RIPOR3: variants seen among roughly 807,000 people sequenced by gnomAD.
RIPOR3 encodes RIPOR family member 3, also known as family with sequence similarity 65 member C.
A neutral mutation model predicts 114.3 loss-of-function variants in RIPOR3; 95 were observed. The ratio of observed to expected loss-of-function variants is 0.83; its 90% CI spans 0.70 to 0.99. The LOEUF (loss-of-function observed/expected upper bound fraction) is 0.99. RIPOR3 is among the 50% of genes least tolerant of loss of function. The pLI, the probability that RIPOR3 is intolerant of heterozygous loss-of-function variation, is 0.00. For missense variants in RIPOR3, 1,252 were observed against 1,266.9 expected (o/e 0.99, Z 0.18); for synonymous variants, 575 against 543.8 (o/e 1.06, Z -0.80).
chr20:50,686,755 A>AG (rs1342573625), intron 1 of RIPOR3, among the ~76,000 whole-genome samples: 1 of 146,460 alleles, frequency 6.8e-6, no homozygotes, highest in Non-Finnish European at 1.5e-5. Context: ...TGTTAAAAAA[A>AG]AAAAAAAGAA....
chr20:50,671,298 C>T (rs1423886918), intron 1 of RIPOR3, among the ~76,000 whole-genome samples: 1 of 152,128 alleles, frequency 6.6e-6, no homozygotes, highest in Non-Finnish European at 1.5e-5. Context: ...CATGGGTAGG[C>T]ACTTCTAATG....
At chr20:50,622,905 A>G (rs1196045560) in intron 2 of RIPOR3, among the ~76,000 whole-genome samples, 1 of 152,218 alleles carries the variant, frequency 6.6e-6, no homozygotes, top group Non-Finnish European at 1.5e-5. Context: ...GACCTTTTAC[A>G]TGCAAGCTGT....
chr20:50,642,562 T>A (rs1463026290), intron 1 of RIPOR3, among the ~76,000 whole-genome samples: 1 of 151,814 alleles, frequency 6.6e-6, no homozygotes. Flanking sequence ...CCAGCCAGGC[T>A]GCAAAGTCCC....
At chr20:50,668,008 G>T (rs2086316240) in intron 1 of RIPOR3, among the ~76,000 whole-genome samples, 5 of 152,060 alleles carry the variant, frequency 3.3e-5, no homozygotes, top group Admixed American at 3.3e-4. Flanking sequence ...AGCGTCCATG[G>T]CCCTCTCATG....
intron 11 of RIPOR3, 137 bp downstream of exon 11, chr20:50,608,252 T>G: frequency 8.2e-7 from 1 of 1,214,432 alleles, no homozygotes; most frequent in Non-Finnish European, 1.1e-6. Flanking sequence ...GGGGTGGGAG[T>G]GAGGGACAGA....
Position 50,609,365 on chromosome 20 carries a change from C to A in RIPOR3, c.577-9G>T, listed in dbSNP as rs757176760. On this transcript the variant is annotated splice_polypyrimidine_tract_variant and intron_variant, in intron 7 of 21. Coordinates refer to ENST00000327979, the MANE Select transcript of RIPOR3 (RefSeq NM_001290268.2). ...TCGATGAGCCACATGTCCTGCAAAG[C>A]CCCGGAGGTGGCTCAGCTGGCTGCC... The A allele has an allele frequency of 1.2e-6, 2 of 1,612,938 alleles. No homozygotes were observed. The highest frequency in any genetic ancestry group is 1.7e-6 in the Non-Finnish European group (2 of 1,179,366).
At chr20:50,636,542 G>A in intron 1 of RIPOR3, 4 of 985,164 alleles carry the variant, frequency 4.1e-6, no homozygotes, top group Non-Finnish European at 3.6e-6. Flanking sequence ...TGGGCCCCAG[G>A]GCAGAGAAGG....
At chr20:50,666,227 T>TTTTCTTCTCTTCTCTTCTCTTC (rs1355256257) in intron 1 of RIPOR3, among the ~76,000 whole-genome samples, 1 of 14,514 alleles carries the variant, frequency 6.9e-5, no homozygotes, top group African/African-American at 1.1e-4. Context: ...CTTTTCTTTT[T>TTTTCTTCTCTTCTCTTCTCTTC]TGAGACGGAG....
At chr20:50,628,294 C>G (rs917469982) in intron 2 of RIPOR3, among the ~76,000 whole-genome samples, 19 of 152,096 alleles carry the variant, frequency 1.2e-4, no homozygotes, top group African/African-American at 4.6e-4. Flanking sequence ...CGTCTTGGGG[C>G]ATCAACTTAA....
intron 12 of RIPOR3, among the ~76,000 whole-genome samples, chr20:50,603,952 C>T (rs1317625992): frequency 1.3e-5 from 2 of 152,124 alleles, no homozygotes; most frequent in African/African-American, 4.8e-5. Flanking sequence ...GAGGCCGAGG[C>T]GGGTGGATCA....
chr20:50,647,592 C>T (rs1052179097), intron 1 of RIPOR3, among the ~76,000 whole-genome samples: 2 of 149,596 alleles, frequency 1.3e-5, no homozygotes, highest in East Asian at 2.1e-4. Context: ...ACGCCATTCT[C>T]CTGCCTCAGC....
chr20:50,624,757 G>C (rs1181772214), intron 2 of RIPOR3, among the ~76,000 whole-genome samples: 1 of 152,204 alleles, frequency 6.6e-6, no homozygotes, highest in Non-Finnish European at 1.5e-5. Context: ...CGTGCAACCT[G>C]CCGGCCCCAG....
intron 13 of RIPOR3, among the ~76,000 whole-genome samples, chr20:50,599,299 A>G (rs1475685732): frequency 6.6e-6 from 1 of 152,030 alleles, no homozygotes; most frequent in Non-Finnish European, 1.5e-5. Context: ...GGCTGAGGCA[A>G]GAGAATCACT....
chr20:50,678,486 G>A (rs142382165), intron 1 of RIPOR3, among the ~76,000 whole-genome samples: 14 of 152,258 alleles, frequency 9.2e-5, no homozygotes, highest in East Asian at 1.9e-4. Context: ...TGCAGGCTCC[G>A]GGAAGGAAAG....
intron 2 of RIPOR3, among the ~76,000 whole-genome samples, chr20:50,626,667 G>C (rs1291303525): frequency 6.6e-6 from 1 of 152,256 alleles, no homozygotes. Flanking sequence ...GGCAGGGCCA[G>C]TTGTGAAATT....
At chr20:50,591,173 AT>A (rs2083094859) in intron 19 of RIPOR3, among the ~76,000 whole-genome samples, 1 of 152,234 alleles carries the variant, frequency 6.6e-6, no homozygotes, top group Admixed American at 6.5e-5. Context: ...GTGTGTCCTT[AT>A]GTAGATACTA....
At chr20:50,648,660 C>G (rs1448371654) in intron 1 of RIPOR3, among the ~76,000 whole-genome samples, 4 of 151,926 alleles carry the variant, frequency 2.6e-5, no homozygotes, top group African/African-American at 9.7e-5. Context: ...GAGCCCTGAG[C>G]TTGTTTTCCT....
intron 1 of RIPOR3, among the ~76,000 whole-genome samples, chr20:50,677,921 C>T (rs539583228): frequency 4.2e-4 from 64 of 151,960 alleles, no homozygotes; most frequent in African/African-American, 1.4e-3. Context: ...GCACCTGTCC[C>T]GACCTCCCAA....
At position 50,626,078 on chromosome 20, in the gene RIPOR3, G is replaced by A. The variant is rs544883440; in HGVS notation, c.122+4660C>T. On this transcript the variant is annotated intron_variant, in intron 2 of 21. Coordinates refer to ENST00000327979, the MANE Select transcript of RIPOR3 (RefSeq NM_001290268.2). ...GCCAGGTTGTTTGCCTTGACAGTGC[G>A]GCTGCGCTTCGGCCTGCTCGGGTTA... Among the ~76,000 whole-genome samples the A allele has an allele frequency of 2.0e-3, 302 of 152,348 alleles. 2 individuals carry two copies. Among genetic ancestry groups the A allele is most frequent in the African/African-American group, 6.4e-3 (267 of 41,588 alleles).
Sources: allele counts gnomAD v4.1 joint callset (sites outside exome capture counted in the v4.1 genomes callset), GRCh38; gene constraint gnomAD v4.1.1; transcripts MANE v1.5; gene names NCBI Gene and HGNC (gene_info 2026-07-23, HGNC 2026-07-21).